The following DOC2A variants were observed in gnomAD, a reference collection of about 807,000 sequenced individuals.
DOC2A encodes the protein double C2-like domain-containing protein alpha.
A neutral mutation model predicts 40.6 loss-of-function variants in DOC2A; 28 were observed. The ratio of observed to expected loss-of-function variants is 0.69; its 90% CI spans 0.51 to 0.95. DOC2A has a LOEUF of 0.95. Among genes scored for constraint, DOC2A ranks in the 40% least tolerant of loss-of-function variants. The pLI, the probability that DOC2A is intolerant of heterozygous loss-of-function variation, is 0.00. For missense variants in DOC2A, 474 were observed against 552.5 expected, an observed-to-expected ratio of 0.86 and a Z score of 1.42; for synonymous variants, 241 against 236.9, an observed-to-expected ratio of 1.02 and a Z score of -0.16.
chr16:30,013,880 T>A (rs2070826200), upstream of DOC2A, among the ~76,000 whole-genome samples: 2 of 151,996 alleles, frequency 1.3e-5, no homozygotes, highest in Non-Finnish European at 2.9e-5. Context: ...CACACTTGGC[T>A]AAGTTTTTGT....
Position 30,008,666 on chromosome 16 carries a change from G to A in DOC2A, c.527+330C>T, listed in dbSNP as rs148464753. ...TTTACAGGTACATGCCACCACGCCCGGCTAATTTTTGTATTTTTAGTAGAG... is the reference window on the plus strand; with the variant it reads ...TTTACAGGTACATGCCACCACGCCCAGCTAATTTTTGTATTTTTAGTAGAG... On this transcript the variant is annotated intron_variant, in intron 5 of 10. Coordinates refer to ENST00000350119, the MANE Select transcript of DOC2A (RefSeq NM_003586.3). The A allele has an allele frequency of 2.7e-3, 870 of 321,088 alleles. 10 individuals are homozygous for A. Among genetic ancestry groups the A allele is most frequent in the African/African-American group, 0.017 (788 of 46,680 alleles). The allele number at this position is 321,088 out of a possible 1,614,324, so 19.9% of individuals were successfully genotyped here. A position where few individuals can be genotyped will look rare whatever the true frequency, so the allele number is the denominator to read the frequency against.
chr16:30,018,329 T>C (rs1015502298), intron 1 of DOC2A, among the ~76,000 whole-genome samples: 2 of 151,882 alleles, frequency 1.3e-5, no homozygotes, highest in African/African-American at 4.8e-5. Context: ...GATCTTTTTA[T>C]TCTTATCTTT....
Position 30,009,675 on chromosome 16 carries a change from AAGAGGCTG to A in DOC2A, c.263-126_263-119del. 9.5e-7 allele frequency: 1 copy of A among 1,047,234 alleles called. No individual in the cohort carries two copies. The highest frequency in any genetic ancestry group is 2.0e-5 in the Admixed American group (1 of 50,412). 64.9% of individuals were successfully genotyped at this position (1,047,234 alleles called of 1,614,324 possible). A position where few individuals can be genotyped will look rare whatever the true frequency, so the allele number is the denominator to read the frequency against. ...CTTGCCAGCCCGCGAGTGTGAGTGC[AAGAGGCTG>A]AGTGGGCCCATGCGTGTGTGCGTCT... On this transcript the variant is annotated intron_variant, in intron 2 of 10. Transcript: ENST00000350119. The surrounding 1 kb of genome is among the most constrained non-coding windows in gnomAD (Gnocchi z 4.1).
chr16:30,016,082 C>A (rs1412710202), upstream of DOC2A, among the ~76,000 whole-genome samples: 1 of 85,852 alleles, frequency 1.2e-5, no homozygotes, highest in African/African-American at 5.6e-5. Context: ...TTTTTTTAGA[C>A]AGAGTCTCGC....
chr16:30,007,381 G>C (rs2070648205), intron 5 of DOC2A, 82 bp from the exon 6 acceptor site: 3 of 1,590,962 alleles, frequency 1.9e-6, no homozygotes, highest in Non-Finnish European at 2.6e-6. Flanking sequence ...GACCAGCCCA[G>C]CTCTGCCCTA....
chr16:30,019,348 A>G (rs1596716323), intron 1 of DOC2A, among the ~76,000 whole-genome samples: 2 of 152,094 alleles, frequency 1.3e-5, no homozygotes, highest in South Asian at 4.1e-4. Flanking sequence ...AGTCCATTAA[A>G]GATGAGGGAG....
chr16:30,011,995 C>A (rs1410125164), upstream of DOC2A, among the ~76,000 whole-genome samples: 1 of 152,176 alleles, frequency 6.6e-6, no homozygotes, highest in Admixed American at 6.5e-5. Context: ...AGCCGCCCCC[C>A]TGCCCGGCCC....
chr16:30,006,525 G>A lies in DOC2A; in HGVS notation c.961-16C>T. 1.2e-6 allele frequency: 2 copies of A among 1,613,538 alleles called. No homozygotes were observed. Among genetic ancestry groups the A allele is most frequent in the Non-Finnish European group, 1.7e-6 (2 of 1,179,730 alleles). On this transcript the variant is annotated splice_polypyrimidine_tract_variant and intron_variant, in intron 9 of 10. Transcript: ENST00000350119. This position sits in a 1 kb window ranked among gnomAD's most constrained non-coding sequence, Gnocchi z 6.2. ...AGAAAAACTCCTAGGGACAAGGCCG[G>A]CCACCCGTTCGTGAGCCAGCTCCCC...
upstream of DOC2A, among the ~76,000 whole-genome samples, chr16:30,013,297 G>C (rs1283332034): frequency 1.4e-4 from 18 of 132,480 alleles, no homozygotes; most frequent in Non-Finnish European, 2.6e-4. Flanking sequence ...ATGGAGTCTC[G>C]CTCTGTCGCC....
intron 5 of DOC2A, chr16:30,007,513 C>G: frequency 1.9e-5 from 12 of 634,442 alleles, no homozygotes; most frequent in Non-Finnish European, 2.7e-5. Context: ...CATGCTCAGC[C>G]ATTGTGGGAA....
chr16:30,022,140 A>G (rs1442193067), upstream of DOC2A, among the ~76,000 whole-genome samples: 2 of 150,410 alleles, frequency 1.3e-5, no homozygotes, highest in African/African-American at 4.9e-5. Flanking sequence ...ATCCCACTCC[A>G]GGAGGCTGAG....
chr16:30,010,032 G>A lies in DOC2A; in HGVS notation c.191C>T (p.Pro64Leu), dbSNP rs1294442991. The A allele has an allele frequency of 6.2e-7, 1 of 1,611,210 alleles. No individual in the cohort carries two copies. Among genetic ancestry groups the A allele is most frequent in the Non-Finnish European group, 8.5e-7 (1 of 1,179,012 alleles). ...AHLVPLALAP[P>L]AALLGATTPE... ...CGTGGTGGCCCCAAGGAGGGCTGCA[G>A]GGGGGGCCAGAGCCAGGGGGACCAG... Residue 64 changes from proline (P) to leucine (L), a missense_variant, in exon 2 of 11, where the codon CCT becomes CTT. Pro to Leu is a moderately conservative substitution (Grantham distance 98, BLOSUM62 -3). Coordinates refer to ENST00000350119, the MANE Select transcript of DOC2A (RefSeq NM_003586.3). The surrounding 1 kb of genome is among the most constrained non-coding windows in gnomAD (Gnocchi z 4.2).
Position 30,005,634 on chromosome 16 carries a change from C to G in DOC2A, c.*552G>C. On this transcript the variant is annotated 3_prime_UTR_variant, in exon 11 of 11. Transcript: ENST00000350119. ...TGGCAGGGGCCCTGCCTTCAAACCCCGGCCCCCTCCAGGGGACAGTTATTT... is the reference window on the plus strand; with the variant it reads ...TGGCAGGGGCCCTGCCTTCAAACCCGGGCCCCCTCCAGGGGACAGTTATTT... The G allele has an allele frequency of 1.6e-6, 1 of 611,852 alleles. No individual in the cohort carries two copies. The highest frequency in any genetic ancestry group is 1.9e-5 in the African/African-American group (1 of 52,360). The allele number at this position is 611,852 out of a possible 1,614,324, so 37.9% of individuals were successfully genotyped here.
chr16:30,006,753 C>T lies in DOC2A; in HGVS notation c.878+32G>A. ...CCCAACTCAGGCCAGGGCAGGCTCC[C>T]TGGGGAGGAGAGGGTCAGAGCAAGG... On this transcript the variant is annotated intron_variant, in intron 8 of 10. Transcript: ENST00000350119. This position sits in a 1 kb window ranked among gnomAD's most constrained non-coding sequence, Gnocchi z 6.2. 6.2e-7 allele frequency: 1 copy of T among 1,613,892 alleles called. No individual in the cohort carries two copies. Among genetic ancestry groups the T allele is most frequent in the Non-Finnish European group, 8.5e-7 (1 of 1,179,952 alleles).
intron 5 of DOC2A, 74 bp from the exon 6 acceptor site, chr16:30,007,373 C>T: frequency 6.2e-7 from 1 of 1,602,550 alleles, no homozygotes; most frequent in Non-Finnish European, 8.5e-7. Context: ...GGGCCTTGGA[C>T]CAGCCCAGCT....
At chr16:30,015,651 TTTCC>T (rs565095135), upstream of DOC2A, among the ~76,000 whole-genome samples, 61 of 151,272 alleles carry the variant, frequency 4.0e-4, no homozygotes, top group East Asian at 1.4e-3. Context: ...TCTTTTCTTC[TTTCC>T]TTCCTTCCTT....
chr16:30,013,957 C>T (rs1393361362), upstream of DOC2A, among the ~76,000 whole-genome samples: 5 of 151,982 alleles, frequency 3.3e-5, no homozygotes, highest in Admixed American at 6.6e-5. Flanking sequence ...CCTCATGATC[C>T]GCCTGCTTCG....
chr16:30,008,614 C>T (rs2070687407), intron 5 of DOC2A: 1 of 272,298 alleles, frequency 3.7e-6, no homozygotes, highest in African/African-American at 2.2e-5. Flanking sequence ...AGTGATCCTC[C>T]TGCCTCAGCC....
At chr16:30,015,675 C>A (rs947961857), upstream of DOC2A, among the ~76,000 whole-genome samples, 1 of 144,774 alleles carries the variant, frequency 6.9e-6, no homozygotes, top group Non-Finnish European at 1.5e-5. Context: ...TCCTTCCTTT[C>A]TTCCTTCCTT....
Sources: gnomAD v4.1 joint callset for allele counts (sites outside exome capture counted in the v4.1 genomes callset) on GRCh38, gnomAD v4.1.1 for gene constraint, Gnocchi (gnomAD v3.1) non-coding constraint, MANE v1.5 for transcripts, NCBI Gene and HGNC (gene_info 2026-07-23, HGNC 2026-07-21) for gene names.